The following MAP3K12 variants were observed in gnomAD, a reference collection of about 807,000 sequenced individuals.
MAP3K12 encodes MAPK-upstream kinase.
A neutral mutation model predicts 87.5 loss-of-function variants in MAP3K12; 14 were observed. That is an observed-to-expected ratio of 0.16 (90% CI 0.11 to 0.25). MAP3K12 has a LOEUF of 0.25. Ranked by LOEUF, MAP3K12 falls within the 10% of genes least tolerant of loss-of-function variation. MAP3K12 has a pLI of 1.00. For missense variants in MAP3K12, 802 were observed against 1,140.4 expected (o/e 0.70, Z 4.27); for synonymous variants, 469 against 452.5 (o/e 1.04, Z -0.46).
At position 53,486,332 on chromosome 12, in the gene MAP3K12, C is replaced by A. The variant is rs545173457; in HGVS notation, c.630-85G>T. The A allele has an allele frequency of 2.8e-5, 44 of 1,554,964 alleles. No homozygotes were observed. In the South Asian group the frequency reaches 5.3e-4, roughly 19 times the overall value. On this transcript the variant is annotated intron_variant, in intron 3 of 13. Coordinates refer to ENST00000547488, the MANE Select transcript of MAP3K12 (RefSeq NM_001193511.2). This position sits in a 1 kb window ranked among gnomAD's most constrained non-coding sequence, Gnocchi z 4.9. Reference sequence around the variant, plus strand: ...CTGGAACCCCCATTCCCACCCATTCCACCTATGGATCTCCTCTGGGGAAGG... The same window carrying A: ...CTGGAACCCCCATTCCCACCCATTCAACCTATGGATCTCCTCTGGGGAAGG...
In MAP3K12 at chr12:53,483,892, C is replaced by T; in HGVS notation, c.1358+19G>A. 1 of 1,613,638 alleles carries T rather than the reference C, an allele frequency of 6.2e-7. No homozygotes were observed. The highest frequency in any genetic ancestry group is 2.2e-5 in the East Asian group (1 of 44,878). On this transcript the variant is annotated intron_variant, in intron 8 of 13. Coordinates refer to ENST00000547488, the MANE Select transcript of MAP3K12 (RefSeq NM_001193511.2). ...TCCTTGCTGTTAGTAAAATCACCTC[C>T]CCAAGCACGGGAACTCACCTGAGCT...
chr12:53,496,296 C>T (rs1432581537), intron 1 of MAP3K12, among the ~76,000 whole-genome samples: 5 of 152,194 alleles, frequency 3.3e-5, no homozygotes, highest in Non-Finnish European at 1.5e-5. Context: ...ACCAGTCCCT[C>T]CTCTGTAAAT....
chr12:53,491,219 CG>C (rs1391561156), intron 1 of MAP3K12, among the ~76,000 whole-genome samples: 1 of 128,018 alleles, frequency 7.8e-6, no homozygotes, highest in Non-Finnish European at 1.6e-5. Context: ...ACCCGGGAGG[CG>C]GAAGTTGCAG....
chr12:53,480,448 C>G lies in MAP3K12; in HGVS notation c.*734G>C, dbSNP rs1041606396. 7.2e-5 allele frequency: 11 copies of G among 152,650 alleles called. No homozygotes were observed. Among genetic ancestry groups the G allele is most frequent in the Middle Eastern group, 3.4e-3 (1 of 294 alleles). 9.5% of individuals were successfully genotyped at this position (152,650 alleles called of 1,614,324 possible). A position where few individuals can be genotyped will look rare whatever the true frequency, so the allele number is the denominator to read the frequency against. On this transcript the variant is annotated 3_prime_UTR_variant, in exon 14 of 14. Coordinates refer to ENST00000547488, the MANE Select transcript of MAP3K12 (RefSeq NM_001193511.2). The stretch of plus-strand genomic sequence containing the variant: ...CCGGAGCCCAAGGCTTTATCTTAAC[C>G]ATGTATGGTACCCCATTCATTCATC...
At chr12:53,490,218 T>C (rs1014558851) in intron 1 of MAP3K12, among the ~76,000 whole-genome samples, 6 of 149,562 alleles carry the variant, frequency 4.0e-5, no homozygotes, top group African/African-American at 1.5e-4. Context: ...GCACGAGAAT[T>C]GCTTGAATCT....
At chr12:53,494,577 A>G (rs1943500208) in intron 1 of MAP3K12, among the ~76,000 whole-genome samples, 1 of 152,180 alleles carries the variant, frequency 6.6e-6, no homozygotes, top group Non-Finnish European at 1.5e-5. Context: ...TTCTTGTATA[A>G]CAGCAGAATG....
chr12:53,491,880 C>G (rs1943418725), intron 1 of MAP3K12, among the ~76,000 whole-genome samples: 1 of 151,388 alleles, frequency 6.6e-6, no homozygotes, highest in African/African-American at 2.4e-5. Flanking sequence ...TTGAGACCAG[C>G]CTGGGGAACA....
Position 53,481,227 on chromosome 12 carries a change from G to A in MAP3K12, c.2634C>T (p.Ser878=), listed in dbSNP as rs1358949957. The A allele has an allele frequency of 1.3e-6, 2 of 1,563,310 alleles. No homozygotes were observed. The highest frequency in any genetic ancestry group is 1.7e-6 in the Non-Finnish European group (2 of 1,153,770). Residue 878 remains serine, a synonymous_variant, in exon 14 of 14, where the codon TCC becomes TCT. Coordinates refer to ENST00000547488, the MANE Select transcript of MAP3K12 (RefSeq NM_001193511.2). The stretch of plus-strand genomic sequence containing the variant: ...GGGGCCGCAAGGCATCAACGCTGTT[G>A]GAGTTGTCCAATTCAGTGCTGTCAC... ...SDCDSTELDN[S]NSVDALRPPA... is the part of the protein sequence containing the mutation.
intron 1 of MAP3K12, among the ~76,000 whole-genome samples, chr12:53,490,078 G>A (rs1002675399): frequency 6.6e-6 from 1 of 152,076 alleles, no homozygotes; most frequent in Non-Finnish European, 1.5e-5. Flanking sequence ...TGAGGCAGGC[G>A]GACCACCTGA....
intron 1 of MAP3K12, among the ~76,000 whole-genome samples, chr12:53,492,242 C>T (rs963195863): frequency 6.6e-6 from 1 of 152,212 alleles, no homozygotes; most frequent in Non-Finnish European, 1.5e-5. Context: ...CACTATGCGT[C>T]CTCTATCATG....
rs1942980800 is a variant in MAP3K12 at position 53,480,533 on chromosome 12, G to GGTAA, written c.*648_*649insTTAC. 1 of 152,492 alleles carries GGTAA rather than the reference G, an allele frequency of 6.6e-6. No homozygotes were observed. Among genetic ancestry groups the GGTAA allele is most frequent in the South Asian group, 2.1e-4 (1 of 4,822 alleles). The allele number at this position is 152,492 out of a possible 1,614,324, so 9.4% of individuals were successfully genotyped here. The stretch of plus-strand genomic sequence containing the variant: ...GTTATATTTCAAGGTTTTTCACAGG[G>GGTAA]GTTACAGTAGGACAGTCCCCACCCC... On this transcript the variant is annotated 3_prime_UTR_variant, in exon 14 of 14. Transcript: ENST00000547488.
upstream of MAP3K12, chr12:53,501,461 G>C (rs868841904): frequency 2.6e-6 from 4 of 1,567,010 alleles, no homozygotes; most frequent in African/African-American, 4.1e-5. Context: ...GGGCTGCCTA[G>C]GTGAGCCGTC....
Position 53,481,231 on chromosome 12 carries a change from T to C in MAP3K12, c.2630A>G (p.Asn877Ser). Residue 877 changes from asparagine (N) to serine (S), a missense_variant, in exon 14 of 14, where the codon AAC becomes AGC. Transcript: ENST00000547488. ...CCGCAAGGCATCAACGCTGTTGGAG[T>C]TGTCCAATTCAGTGCTGTCACAGTC... ...DSDCDSTELDNSNSVDALRPP... is the reference protein window; with the variant it reads ...DSDCDSTELDSSNSVDALRPP... 6.4e-7 allele frequency: 1 copy of C among 1,559,616 alleles called. No individual in the cohort carries two copies. Among genetic ancestry groups the C allele is most frequent in the Non-Finnish European group, 8.7e-7 (1 of 1,151,950 alleles).
intron 1 of MAP3K12, among the ~76,000 whole-genome samples, chr12:53,488,711 G>T (rs113750357): frequency 1.1e-4 from 16 of 152,134 alleles, no homozygotes; most frequent in Admixed American, 7.9e-4. Flanking sequence ...CCTGAATCTG[G>T]CACGGTGTGT....
rs563462848 is a variant in MAP3K12 at position 53,480,891 on chromosome 12, C to G, written c.*291G>C. Reference sequence around the variant, plus strand: ...TTGGGGATAAAGAATATAAAGACAACCCTGGCTTTTCTATTGCCTTGTTGC... The same window carrying G: ...TTGGGGATAAAGAATATAAAGACAAGCCTGGCTTTTCTATTGCCTTGTTGC... On this transcript the variant is annotated 3_prime_UTR_variant, in exon 14 of 14. Coordinates refer to ENST00000547488, the MANE Select transcript of MAP3K12 (RefSeq NM_001193511.2). 3.1e-3 allele frequency: 459 copies of G among 148,878 alleles called. 2 individuals are homozygous for G. Among genetic ancestry groups the G allele is most frequent in the Non-Finnish European group, 4.7e-3 (314 of 67,446 alleles). 9.2% of individuals were successfully genotyped at this position (148,878 alleles called of 1,614,324 possible). A position where few individuals can be genotyped will look rare whatever the true frequency, so the allele number is the denominator to read the frequency against.
At chr12:53,484,236 A>G in intron 7 of MAP3K12, 21 bp downstream of exon 7, 1 of 1,601,524 alleles carries the variant, frequency 6.2e-7, no homozygotes, top group Non-Finnish European at 8.6e-7. Flanking sequence ...TTAGGTATTT[A>G]TTTTCCTACC....
Position 53,488,238 on chromosome 12 carries a change from C to G in MAP3K12, c.-37-810G>C, listed in dbSNP as rs7300286. On this transcript the variant is annotated intron_variant, in intron 1 of 13. Coordinates refer to ENST00000547488, the MANE Select transcript of MAP3K12 (RefSeq NM_001193511.2). The stretch of plus-strand genomic sequence containing the variant: ...CATCCCCCTTGGCCCTCCCTTCAGT[C>G]CAGCGGCTCTCCCAGGGGTCAAACA... Among the ~76,000 whole-genome samples, 305 of 152,342 alleles carry G rather than the reference C, an allele frequency of 2.0e-3. 1 individual carries two copies. The highest frequency in any genetic ancestry group is 7.1e-3 in the African/African-American group (295 of 41,576).
chr12:53,485,149 G>A lies in MAP3K12; in HGVS notation c.1046C>T (p.Ser349Leu). 6.2e-7 allele frequency: 1 copy of A among 1,614,136 alleles called. No individual in the cohort carries two copies. Among genetic ancestry groups the A allele is most frequent in the Non-Finnish European group, 8.5e-7 (1 of 1,180,024 alleles). Residue 349 changes from serine (S) to leucine (L), a missense_variant, in exon 6 of 14, where the codon TCA becomes TTA. Physicochemically the swap from Ser to Leu is moderately radical, Grantham distance 145 (BLOSUM62 -2). Transcript: ENST00000547488. ...GCTTCCCACACCCCAGATAATGGCT[G>A]AGGAATCTACGTCTTTGTAGGGGAT... ...GEIPYKDVDS[S>L]AIIWGVGSNS...
intron 8 of MAP3K12, 80 bp downstream of exon 8, chr12:53,483,831 G>A (rs903912012): frequency 3.7e-6 from 6 of 1,607,232 alleles, no homozygotes; most frequent in Admixed American, 1.7e-5. Flanking sequence ...CCTTCCACCC[G>A]CCCTGGGGCT....
Sources: allele counts gnomAD v4.1 joint callset (sites outside exome capture counted in the v4.1 genomes callset), GRCh38; gene constraint gnomAD v4.1.1; non-coding constraint Gnocchi (gnomAD v3.1); transcripts MANE v1.5; gene names NCBI Gene and HGNC (gene_info 2026-07-23, HGNC 2026-07-21).